Variants in UNC5D observed in about 807,000 individuals in gnomAD.
UNC5D encodes the protein unc-5 netrin receptor D.
Under a neutral mutation model 105.4 loss-of-function variants are expected in UNC5D, and 39 were observed. The observed-to-expected ratio is 0.37, with a 90% CI of 0.29 to 0.48. The LOEUF is 0.48. UNC5D is among the 20% of genes least tolerant of loss of function. UNC5D has a pLI of 0.98. For synonymous variants in UNC5D, 452 were observed against 450.4 expected (o/e 1.00, Z -0.04); for missense variants, 991 against 1,202.4 (o/e 0.82, Z 2.60).
chr8:35,517,764 T>C (rs979898128), intron 1 of UNC5D, among the ~76,000 whole-genome samples: 2 of 152,168 alleles, frequency 1.3e-5, no homozygotes, highest in African/African-American at 4.8e-5. Flanking sequence ...TACCATGGAC[T>C]GGGTAGCTTA....
At chr8:35,483,947 C>T (rs757283903) in intron 1 of UNC5D, among the ~76,000 whole-genome samples, 1 of 152,092 alleles carries the variant, frequency 6.6e-6, no homozygotes, top group Non-Finnish European at 1.5e-5. Context: ...AGATTCTAAG[C>T]AGGAAATTTG....
At chr8:35,730,919 C>T in intron 10 of UNC5D, 93 bp from the exon 11 acceptor site, 1 of 1,088,550 alleles carries the variant, frequency 9.2e-7, no homozygotes, top group South Asian at 1.5e-5. Context: ...GAGAAAGTAG[C>T]TTGTTTTCCA....
chr8:35,545,233 C>T (rs1455136969), intron 1 of UNC5D, among the ~76,000 whole-genome samples: 1 of 152,230 alleles, frequency 6.6e-6, no homozygotes, highest in African/African-American at 2.4e-5. Flanking sequence ...TAAATGACCT[C>T]CTCCCACCCT....
intron 4 of UNC5D, among the ~76,000 whole-genome samples, chr8:35,639,209 A>G (rs979177213): frequency 6.6e-6 from 1 of 152,204 alleles, no homozygotes; most frequent in African/African-American, 2.4e-5. Context: ...CAACAGCACA[A>G]GAGGGTGGGT....
In UNC5D at chr8:35,737,300, G is replaced by GTGTGTGTGTGTGTGTT. The variant is rs57002738; in HGVS notation, c.1766+6205_1766+6206insGTGTGTGTGTGTGTTT. On this transcript the variant is annotated intron_variant, in intron 11 of 16. Coordinates refer to ENST00000404895, the MANE Select transcript of UNC5D (RefSeq NM_080872.4). ...TGTGTGTGTGTGTGTGTGTGTGTGT[G>GTGTGTGTGTGTGTGTT]TTAATGTGTGATGAAGGAATTGAAG... 1.3e-3 allele frequency among the ~76,000 whole-genome samples: 164 copies of GTGTGTGTGTGTGTGTT among 130,154 alleles called. 6 individuals are homozygous for GTGTGTGTGTGTGTGTT. The highest frequency in any genetic ancestry group is 4.4e-3 in the African/African-American group (136 of 30,880). 85.4% of individuals were successfully genotyped at this position (130,154 alleles called of 152,430 possible).
chr8:35,553,914 G>A (rs1816345277), intron 2 of UNC5D, among the ~76,000 whole-genome samples: 1 of 152,200 alleles, frequency 6.6e-6, no homozygotes, highest in Non-Finnish European at 1.5e-5. Flanking sequence ...GCCAAGGACG[G>A]TGGGACCACA....
intron 14 of UNC5D, among the ~76,000 whole-genome samples, chr8:35,765,682 G>A (rs1057073148): frequency 1.3e-5 from 2 of 152,060 alleles, no homozygotes; most frequent in Non-Finnish European, 2.9e-5. Context: ...ATAAGGGCTC[G>A]GGAATAACTA....
chr8:35,260,019 A>C (rs1377701868), intron 1 of UNC5D, among the ~76,000 whole-genome samples: 1 of 152,170 alleles, frequency 6.6e-6, no homozygotes, highest in Non-Finnish European at 1.5e-5. Context: ...TGAAGATTTT[A>C]ATTGAGAAAA....
At position 35,551,251 on chromosome 8, in the gene UNC5D, A is replaced by G. The variant is rs113714725; in HGVS notation, c.322+1741A>G. On this transcript the variant is annotated intron_variant, in intron 2 of 16. Coordinates refer to ENST00000404895, the MANE Select transcript of UNC5D (RefSeq NM_080872.4). ...CTACAGAAATAACAACCAGAATATAAGTAATTGCATTAACAAGGATAAAAA... is the reference window on the plus strand; with the variant it reads ...CTACAGAAATAACAACCAGAATATAGGTAATTGCATTAACAAGGATAAAAA... 2.4e-3 allele frequency among the ~76,000 whole-genome samples: 367 copies of G among 152,344 alleles called. 2 individuals carry two copies. Among genetic ancestry groups the G allele is most frequent in the African/African-American group, 8.4e-3 (348 of 41,580 alleles).
At chr8:35,438,947 A>C (rs934603627) in intron 1 of UNC5D, among the ~76,000 whole-genome samples, 1 of 152,018 alleles carries the variant, frequency 6.6e-6, no homozygotes, top group Non-Finnish European at 1.5e-5. Flanking sequence ...AAGTGGAGAT[A>C]AAAGGACCCC....
intron 1 of UNC5D, among the ~76,000 whole-genome samples, chr8:35,481,234 A>C (rs1298836048): frequency 1.3e-5 from 2 of 152,194 alleles, no homozygotes; most frequent in Non-Finnish European, 2.9e-5. Flanking sequence ...CTGATGAGGC[A>C]GAGAATTTAG....
intron 1 of UNC5D, among the ~76,000 whole-genome samples, chr8:35,499,999 C>T (rs1811864644): frequency 6.6e-6 from 1 of 152,214 alleles, no homozygotes; most frequent in Admixed American, 6.5e-5. Context: ...AAACATCTTG[C>T]ACCACTCAAA....
chr8:35,325,231 T>A (rs1453568237), intron 1 of UNC5D, among the ~76,000 whole-genome samples: 1 of 152,172 alleles, frequency 6.6e-6, no homozygotes, highest in Non-Finnish European at 1.5e-5. Flanking sequence ...TTAAACGTGA[T>A]TTTTAAAGCA....
chr8:35,774,180 A>C (rs996693347), intron 15 of UNC5D, 119 bp from the exon 16 acceptor site: 1 of 1,116,956 alleles, frequency 9.0e-7, no homozygotes, highest in African/African-American at 1.6e-5. Context: ...TATAGAGTCC[A>C]TCACAACAGG....
At chr8:35,495,458 C>CAAAAA (rs71547636) in intron 1 of UNC5D, among the ~76,000 whole-genome samples, 52 of 44,536 alleles carry the variant, frequency 1.2e-3, no homozygotes, top group African/African-American at 1.6e-3. Context: ...ACAACAACAA[C>CAAAAA]AAAAAAAAAA....
chr8:35,716,131 A>G (rs565469743), intron 8 of UNC5D, among the ~76,000 whole-genome samples: 233 of 152,316 alleles, frequency 1.5e-3, no homozygotes, highest in African/African-American at 2.7e-3. Flanking sequence ...GAGGAGACGC[A>G]AGGAAGAGAC....
At chr8:35,707,695 T>C (rs1012329791) in intron 8 of UNC5D, among the ~76,000 whole-genome samples, 1 of 152,204 alleles carries the variant, frequency 6.6e-6, no homozygotes, top group African/African-American at 2.4e-5. Flanking sequence ...AATGCATGTA[T>C]GTGTTTTTAA....
chr8:35,273,807 T>C (rs371876662), intron 1 of UNC5D, among the ~76,000 whole-genome samples: 4 of 152,308 alleles, frequency 2.6e-5, no homozygotes, highest in South Asian at 2.1e-4. Context: ...GTCAGAAAAC[T>C]CTTACTAAGT....
At chr8:35,471,066 T>G (rs1319223690) in intron 1 of UNC5D, among the ~76,000 whole-genome samples, 1 of 152,228 alleles carries the variant, frequency 6.6e-6, no homozygotes, top group East Asian at 1.9e-4. Context: ...TTCTCAGTTC[T>G]AGTACCCCGG....
Sources: gnomAD v4.1 joint callset for allele counts (sites outside exome capture counted in the v4.1 genomes callset) on GRCh38, gnomAD v4.1.1 for gene constraint, MANE v1.5 for transcripts, NCBI Gene and HGNC (gene_info 2026-07-23, HGNC 2026-07-21) for gene names.